The following MYH10 variants were observed in gnomAD, a reference collection of about 807,000 sequenced individuals.
The protein encoded by MYH10 is myosin-10.
Under a neutral mutation model 257.8 loss-of-function variants are expected in MYH10, and 55 were observed. The observed-to-expected ratio is 0.21, with a 90% CI of 0.17 to 0.27. The LOEUF is 0.27. MYH10 is among the 10% of genes least tolerant of loss of function. MYH10 has a pLI of 1.00. For missense variants in MYH10, 1,631 were observed against 2,500.6 expected, an observed-to-expected ratio of 0.65 and a Z score of 7.42; for synonymous variants, 854 against 921.7, an observed-to-expected ratio of 0.93 and a Z score of 1.33.
intron 37 of MYH10, 164 bp from the exon 38 acceptor site, chr17:8,481,574 G>A: frequency 1.7e-6 from 1 of 596,858 alleles, no homozygotes; most frequent in Non-Finnish European, 2.9e-6. Context: ...AATCTGCTCG[G>A]TGCAGGCCAG....
chr17:8,546,623 A>G lies in MYH10; in HGVS notation c.1199T>C (p.Met400Thr). Residue 400 changes from methionine to threonine, a missense_variant, in exon 12 of 43, where the codon ATG (methionine) becomes ACG (threonine). Physicochemically the swap from Met to Thr is moderately conservative, Grantham distance 81 (BLOSUM62 -1). Coordinates refer to ENST00000360416, the MANE Select transcript of MYH10 (RefSeq NM_001256012.3). ...KLCHLLGMNV[M>T]EFTRAILTPR... ...AGTCAGGATGGCCCGAGTAAACTCC[A>G]TCACATTCATCCCAAGAAGATGGCA... The G allele has an allele frequency of 1.9e-6, 3 of 1,614,130 alleles. No homozygotes were observed. Among genetic ancestry groups the G allele is most frequent in the Non-Finnish European group, 2.5e-6 (3 of 1,179,988 alleles).
At chr17:8,478,530 T>C in intron 40 of MYH10, 84 bp from the exon 41 acceptor site, 3 of 1,303,986 alleles carry the variant, frequency 2.3e-6, no homozygotes, top group Non-Finnish European at 3.3e-6. Flanking sequence ...CCCTTTTCTT[T>C]GGGAAGATGA....
chr17:8,572,090 A>G (rs2083363537), intron 6 of MYH10, among the ~76,000 whole-genome samples: 3 of 152,214 alleles, frequency 2.0e-5, no homozygotes, highest in African/African-American at 7.2e-5. Flanking sequence ...TAAGAAAAAG[A>G]CTTTGATAGT....
chr17:8,477,114 C>G lies in MYH10; in HGVS notation c.5707-66G>C, dbSNP rs1912800159. 6.3e-7 allele frequency: 1 copy of G among 1,576,760 alleles called. No individual in the cohort carries two copies. The highest frequency in any genetic ancestry group is 1.1e-5 in the South Asian group (1 of 88,968). Reference sequence around the variant, plus strand: ...AATCCAGTGTCGGCCTCTCTGTACCCCGAGCGTGGCAGTGTGGGGCTCTGC... The same window carrying G: ...AATCCAGTGTCGGCCTCTCTGTACCGCGAGCGTGGCAGTGTGGGGCTCTGC... On this transcript the variant is annotated intron_variant, in intron 41 of 42. Transcript: ENST00000360416. This position sits in a 1 kb window ranked among gnomAD's most constrained non-coding sequence, Gnocchi z 4.2.
At position 8,521,100 on chromosome 17, in the gene MYH10, C is replaced by T. The variant is rs1446238238; in HGVS notation, c.2143G>A (p.Glu715Lys). The T allele has an allele frequency of 5.0e-6, 8 of 1,614,172 alleles. No individual in the cohort carries two copies. Among genetic ancestry groups the T allele is most frequent in the South Asian group, 1.1e-5 (1 of 91,076 alleles). The change falls in exon 18 of 43, where the codon GAG (glutamate) becomes AAG (lysine). Residue 715 changes from glutamate to lysine, a missense_variant. By Grantham distance (56) the Glu-to-Lys change is moderately conservative. Coordinates refer to ENST00000360416, the MANE Select transcript of MYH10 (RefSeq NM_001256012.3). ...NFVRCIIPNH[E>K]KRAGKLDPHL... ...TTTTGCTCAGCACGTACCCTCTTCT[C>T]GTGATTTGGAATGATACAACGAACA... is the stretch of plus-strand genomic sequence containing the variant.
At chr17:8,600,041 T>C (rs1367171133) in intron 3 of MYH10, among the ~76,000 whole-genome samples, 1 of 152,042 alleles carries the variant, frequency 6.6e-6, no homozygotes. Flanking sequence ...AGGACCAAGG[T>C]AGGATTAGCA....
chr17:8,586,635 C>T (rs1239719772), intron 4 of MYH10, among the ~76,000 whole-genome samples: 1 of 152,178 alleles, frequency 6.6e-6, no homozygotes, highest in Non-Finnish European at 1.5e-5. Flanking sequence ...AGACTTACCT[C>T]ATAAATCCAA....
intron 2 of MYH10, among the ~76,000 whole-genome samples, chr17:8,620,957 C>T (rs1205930545): frequency 2.6e-5 from 4 of 152,192 alleles, no homozygotes; most frequent in African/African-American, 9.7e-5. Context: ...AAAAATCCAA[C>T]AAACTCAGTA....
rs1189046213 is a variant in MYH10, at chr17:8,480,285, G to A, written c.5422C>T (p.Arg1808Cys). The A allele has an allele frequency of 5.6e-6, 9 of 1,614,108 alleles. No individual in the cohort carries two copies. The highest frequency in any genetic ancestry group is 1.1e-5 in the South Asian group (1 of 91,086). Residue 1808 changes from arginine (R) to cysteine (C), a missense_variant, in exon 40 of 43, where the codon CGC becomes TGC. Arg to Cys is a radical substitution (Grantham distance 180). This residue lies in a region of MYH10 where 343 missense variants were observed against 389.5 expected (regional missense o/e 0.88). Coordinates refer to ENST00000360416, the MANE Select transcript of MYH10 (RefSeq NM_001256012.3). ...DTLNAELAAE[R>C]SAAQKSDNAR... The stretch of plus-strand genomic sequence containing the variant: ...TTGTCACTCTTCTGGGCGGCGCTGC[G>A]CTCGGCTGCTAGCTCGGCGTTCAGT...
At chr17:8,511,822 C>CG (rs1365828455) in intron 24 of MYH10, among the ~76,000 whole-genome samples, 1 of 152,202 alleles carries the variant, frequency 6.6e-6, no homozygotes, top group Non-Finnish European at 1.5e-5. Flanking sequence ...CTGCTCCCTT[C>CG]TCCCCCTAGG....
At chr17:8,584,462 G>A (rs1426387670) in intron 4 of MYH10, among the ~76,000 whole-genome samples, 3 of 152,170 alleles carry the variant, frequency 2.0e-5, no homozygotes, top group Non-Finnish European at 4.4e-5. Flanking sequence ...AGGAAAGAGG[G>A]TACAAAGAGT....
At chr17:8,573,396 T>C (rs2152010884) in intron 6 of MYH10, among the ~76,000 whole-genome samples, 1 of 152,286 alleles carries the variant, frequency 6.6e-6, no homozygotes, top group East Asian at 1.9e-4. Context: ...CTCTATCACC[T>C]TTCTGTCTTG....
intron 1 of MYH10, among the ~76,000 whole-genome samples, chr17:8,630,090 CCAGCAACCCACG>C (rs1012134224): frequency 6.6e-6 from 1 of 152,030 alleles, no homozygotes; most frequent in Non-Finnish European, 1.5e-5. Flanking sequence ...CCTAACCCAC[CCAGCAACCCACG>C]CAGGGGCCCT....
intron 2 of MYH10, among the ~76,000 whole-genome samples, chr17:8,609,957 A>G (rs541908801): frequency 6.6e-6 from 1 of 152,100 alleles, no homozygotes; most frequent in African/African-American, 2.4e-5. Flanking sequence ...ATTGAATTAA[A>G]AGGAATTCGC....
chr17:8,611,098 A>C (rs2085021092), intron 2 of MYH10, among the ~76,000 whole-genome samples: 1 of 152,238 alleles, frequency 6.6e-6, no homozygotes, highest in African/African-American at 2.4e-5. Context: ...ACAAAAATTA[A>C]AACATTCCAG....
intron 6 of MYH10, among the ~76,000 whole-genome samples, chr17:8,571,668 G>GA (rs1162101909): frequency 6.6e-6 from 1 of 151,914 alleles, no homozygotes; most frequent in Admixed American, 6.6e-5. Flanking sequence ...TGAGGCAGGA[G>GA]AATCGCTTGA....
rs570791182 is a variant in MYH10 at position 8,585,234 on chromosome 17, G to A, written c.530+3847C>T. ...TGTGTGTGTGTACATATATGTGTGT[G>A]TATATATGTGTATATATCTATATAT... On this transcript the variant is annotated intron_variant, in intron 4 of 42. Transcript: ENST00000360416. Among the ~76,000 whole-genome samples the A allele has an allele frequency of 8.2e-4, 7 of 8,534 alleles. No individual in the cohort carries two copies. In the East Asian group the frequency reaches 0.13, roughly 163 times the overall value. The allele number at this position is 8,534 out of a possible 152,430, so 5.6% of individuals were successfully genotyped here.
chr17:8,476,722 T>A (rs1912698321), intron 42 of MYH10, among the ~76,000 whole-genome samples, 154 bp downstream of exon 42: 1 of 152,230 alleles, frequency 6.6e-6, no homozygotes, highest in South Asian at 2.1e-4. Context: ...CAAGGACGAC[T>A]ATAAAGGTCA....
Position 8,501,727 on chromosome 17 carries a change from G to C in MYH10, c.3600-757C>G, listed in dbSNP as rs546494480. Among the ~76,000 whole-genome samples the C allele has an allele frequency of 1.6e-4, 24 of 152,336 alleles. 2 individuals carry two copies. The highest frequency in any genetic ancestry group is 1.4e-3 in the Admixed American group (21 of 15,298). On this transcript the variant is annotated intron_variant, in intron 28 of 42. Coordinates refer to ENST00000360416, the MANE Select transcript of MYH10 (RefSeq NM_001256012.3). Reference sequence around the variant, plus strand: ...AAAGGGTCTCTGATGTTTGATATGAGAACACAGCAGGTCTATGGCCAGAGA... The same window carrying C: ...AAAGGGTCTCTGATGTTTGATATGACAACACAGCAGGTCTATGGCCAGAGA...
Sources: allele counts gnomAD v4.1 joint callset (sites outside exome capture counted in the v4.1 genomes callset), GRCh38; gene constraint gnomAD v4.1.1; regional missense constraint gnomAD v4.1.1; non-coding constraint Gnocchi (gnomAD v3.1); transcripts MANE v1.5; gene names NCBI Gene and HGNC (gene_info 2026-07-23, HGNC 2026-07-21).